The following SUGCT variants were observed in gnomAD, a reference collection of about 807,000 sequenced individuals.
SUGCT encodes succinyl-CoA:glutarate-CoA transferase, also known as succinyl-CoA:glutarate CoA-transferase.
SUGCT carries 41 observed loss-of-function variants against 55.0 expected under a neutral mutation model. That is an observed-to-expected ratio of 0.74 (90% confidence interval 0.58 to 0.97). SUGCT has a LOEUF of 0.97. Among genes scored for constraint, SUGCT ranks in the 50% least tolerant of loss-of-function variants. SUGCT has a pLI of 0.00. For synonymous variants in SUGCT, 187 were observed against 200.4 expected (o/e 0.93, Z 0.56); for missense variants, 568 against 547.8 (o/e 1.04, Z -0.37).
At chr7:40,777,204 G>T (rs1789496038) in intron 13 of SUGCT, among the ~76,000 whole-genome samples, 1 of 152,144 alleles carries the variant, frequency 6.6e-6, no homozygotes, top group African/African-American at 2.4e-5. Context: ...CTAATGAAAT[G>T]CATATTCTTC....
chr7:40,364,566 T>A (rs1440149350), intron 9 of SUGCT, among the ~76,000 whole-genome samples: 1 of 152,126 alleles, frequency 6.6e-6, no homozygotes, highest in African/African-American at 2.4e-5. Context: ...TTTCTCCTTC[T>A]CTTATGAAGC....
the SUGCT span, among the ~76,000 whole-genome samples, chr7:40,928,750 C>T: frequency 6.6e-6 from 1 of 152,042 alleles, no homozygotes. Flanking sequence ...CAGGCACGCA[C>T]CACCATGACC....
At chr7:40,476,801 A>G (rs11984294) in intron 11 of SUGCT, among the ~76,000 whole-genome samples, 3,035 of 148,292 alleles carry the variant, frequency 0.02, 92 homozygotes, top group African/African-American at 0.071. Flanking sequence ...TATAGTTCTC[A>G]TTCTTTTTTT....
the SUGCT span, among the ~76,000 whole-genome samples, chr7:40,906,411 A>C: frequency 2.5e-4 from 38 of 152,352 alleles, no homozygotes; most frequent in East Asian, 6.6e-3. Flanking sequence ...CCAAACTAAA[A>C]TAAACGTAGG....
At chr7:40,481,377 A>G (rs1009297607) in intron 11 of SUGCT, among the ~76,000 whole-genome samples, 1 of 150,784 alleles carries the variant, frequency 6.6e-6, no homozygotes, top group African/African-American at 2.4e-5. Context: ...AATATTTCCT[A>G]TATGTGGTAG....
At chr7:40,648,987 T>C (rs1800651324) in intron 12 of SUGCT, among the ~76,000 whole-genome samples, 1 of 152,218 alleles carries the variant, frequency 6.6e-6, no homozygotes, top group Non-Finnish European at 1.5e-5. Flanking sequence ...TTGAACAAAT[T>C]TATGAAACTT....
chr7:40,964,285 G>C, the SUGCT span, among the ~76,000 whole-genome samples: 13 of 152,154 alleles, frequency 8.5e-5, no homozygotes, highest in African/African-American at 2.7e-4. Context: ...CAAAGAGAGA[G>C]TATATAAAGG....
intron 12 of SUGCT, among the ~76,000 whole-genome samples, chr7:40,531,958 G>C (rs1009705388): frequency 2.0e-5 from 3 of 152,190 alleles, no homozygotes; most frequent in African/African-American, 7.2e-5. Flanking sequence ...ACAGGCGTGA[G>C]CCACCGCGCC....
At chr7:40,467,925 G>A (rs1006546510) in intron 11 of SUGCT, among the ~76,000 whole-genome samples, 1 of 144,504 alleles carries the variant, frequency 6.9e-6, no homozygotes, top group Non-Finnish European at 1.5e-5. Context: ...ATTTTACTTT[G>A]TACTAATTTC....
At chr7:40,666,419 G>GT (rs70990637) in intron 12 of SUGCT, among the ~76,000 whole-genome samples, 8,518 of 72,148 alleles carry the variant, frequency 0.12, 1,648 homozygotes, top group African/African-American at 0.31. Context: ...TTATAGGTTA[G>GT]TTTTTTTTTT....
chr7:40,281,929 T>A (rs992858470), intron 8 of SUGCT, among the ~76,000 whole-genome samples: 1 of 152,088 alleles, frequency 6.6e-6, no homozygotes, highest in African/African-American at 2.4e-5. Flanking sequence ...CAAATGACTC[T>A]CCTGCCTCAG....
chr7:40,170,060 C>G (rs117882714), intron 1 of SUGCT, among the ~76,000 whole-genome samples: 5,904 of 152,220 alleles, frequency 0.039, 150 homozygotes, highest in Middle Eastern at 0.082. Flanking sequence ...TCCTAATTTT[C>G]CTTAGTCCTT....
the SUGCT span, among the ~76,000 whole-genome samples, chr7:41,008,169 T>A: frequency 6.6e-6 from 1 of 152,346 alleles, no homozygotes; most frequent in East Asian, 1.9e-4. Context: ...CTTTCTTAAA[T>A]GGCCACTTGC....
At chr7:40,873,661 A>G in the SUGCT span, among the ~76,000 whole-genome samples, 1 of 152,212 alleles carries the variant, frequency 6.6e-6, no homozygotes, top group Non-Finnish European at 1.5e-5. Context: ...GTTATAACTG[A>G]TTACTCCTTT....
intron 8 of SUGCT, 77 bp downstream of exon 8, chr7:40,274,733 G>A: frequency 7.4e-7 from 1 of 1,349,290 alleles, no homozygotes; most frequent in Non-Finnish European, 1.1e-6. Flanking sequence ...CAAATTCTAT[G>A]GTCACATGTA....
intron 12 of SUGCT, among the ~76,000 whole-genome samples, chr7:40,550,411 C>T (rs138307904): frequency 1.3e-5 from 2 of 152,170 alleles, no homozygotes; most frequent in Non-Finnish European, 2.9e-5. Context: ...CATGAAGTTG[C>T]GTTTGCTTTC....
chr7:40,947,081 T>C, the SUGCT span, among the ~76,000 whole-genome samples: 1 of 152,202 alleles, frequency 6.6e-6, no homozygotes, highest in African/African-American at 2.4e-5. Context: ...TTCTGAGACT[T>C]ACGTTATACA....
At chr7:40,242,039 A>G (rs2150893004) in intron 7 of SUGCT, among the ~76,000 whole-genome samples, 2 of 152,202 alleles carry the variant, frequency 1.3e-5, no homozygotes, top group Middle Eastern at 6.8e-3. Flanking sequence ...ATTAGATTAT[A>G]TTTGATTACG....
the SUGCT span, among the ~76,000 whole-genome samples, chr7:40,931,181 A>T: frequency 6.6e-6 from 1 of 152,198 alleles, no homozygotes; most frequent in African/African-American, 2.4e-5. Flanking sequence ...TAAGATAATC[A>T]TGTGGTTATT....
Sources: gnomAD v4.1 joint callset for allele counts (sites outside exome capture counted in the v4.1 genomes callset) on GRCh38, gnomAD v4.1.1 for gene constraint, MANE v1.5 for transcripts, NCBI Gene and HGNC (gene_info 2026-07-23, HGNC 2026-07-21) for gene names.